Variants in GALNT17 observed in about 807,000 individuals in gnomAD.
The protein encoded by GALNT17 is UDP-GalNAc:polypeptide N-acetylgalactosaminyltransferase-like 3.
Under a neutral mutation model 63.7 loss-of-function variants are expected in GALNT17, and 29 were observed. The ratio of observed to expected loss-of-function variants is 0.46; its 90% confidence interval spans 0.34 to 0.62. The LOEUF (loss-of-function observed/expected upper bound fraction) is 0.62. GALNT17 is among the 20% of genes least tolerant of loss of function. GALNT17 has a pLI of 0.01. For missense variants in GALNT17, 603 were observed against 799.6 expected (o/e 0.75, Z 2.97); for synonymous variants, 305 against 318.3 (o/e 0.96, Z 0.45).
intron 5 of GALNT17, among the ~76,000 whole-genome samples, chr7:71,430,514 C>A (rs1193277344): frequency 6.6e-6 from 1 of 152,208 alleles, no homozygotes; most frequent in Non-Finnish European, 1.5e-5. Flanking sequence ...AAAGCTGAGT[C>A]AGGCATCTTC....
intron 5 of GALNT17, among the ~76,000 whole-genome samples, chr7:71,559,785 G>A (rs1459971317): frequency 2.6e-5 from 4 of 152,004 alleles, no homozygotes; most frequent in South Asian, 2.1e-4. Flanking sequence ...TGCTTGAGCC[G>A]GGAGATCGAG....
chr7:71,507,243 T>C (rs551632356), intron 5 of GALNT17, among the ~76,000 whole-genome samples: 60 of 152,036 alleles, frequency 3.9e-4, no homozygotes, highest in Non-Finnish European at 7.1e-4. Context: ...TCTAAATAAA[T>C]AAATAAGTAA....
chr7:71,176,740 C>T (rs1241470783), intron 1 of GALNT17, among the ~76,000 whole-genome samples: 1 of 152,068 alleles, frequency 6.6e-6, no homozygotes. Context: ...GTGGAGGTGG[C>T]AGGTGTTTGA....
intron 1 of GALNT17, among the ~76,000 whole-genome samples, chr7:71,210,804 T>C (rs551644783): frequency 1.3e-5 from 2 of 152,294 alleles, no homozygotes; most frequent in South Asian, 4.1e-4. Context: ...CTTAGGAGCA[T>C]TGTTACCAAG....
At chr7:71,680,859 T>C (rs1055591812) in intron 9 of GALNT17, among the ~76,000 whole-genome samples, 2 of 123,956 alleles carry the variant, frequency 1.6e-5, no homozygotes, top group African/African-American at 5.4e-5. Flanking sequence ...TCCTTTTTTC[T>C]TTCCTTCCTT....
chr7:71,274,223 G>A (rs535453471), intron 1 of GALNT17, among the ~76,000 whole-genome samples: 1 of 152,292 alleles, frequency 6.6e-6, no homozygotes, highest in African/African-American at 2.4e-5. Flanking sequence ...TAGGCTCTGG[G>A]GGAGCTGGCT....
intron 9 of GALNT17, among the ~76,000 whole-genome samples, chr7:71,705,391 G>A (rs1290480966): frequency 1.3e-5 from 2 of 152,162 alleles, no homozygotes; most frequent in Non-Finnish European, 2.9e-5. Context: ...TGGAGAAATT[G>A]AAACCCCGGT....
At chr7:71,353,124 T>G (rs921708077) in intron 2 of GALNT17, among the ~76,000 whole-genome samples, 2 of 152,184 alleles carry the variant, frequency 1.3e-5, no homozygotes, top group Non-Finnish European at 2.9e-5. Flanking sequence ...TTATTATTAT[T>G]GTTCCTTATA....
intron 1 of GALNT17, among the ~76,000 whole-genome samples, chr7:71,255,597 A>C (rs770516639): frequency 5.3e-5 from 8 of 152,360 alleles, no homozygotes; most frequent in Non-Finnish European, 1.2e-4. Flanking sequence ...AATTTCCTGC[A>C]TAAGATTCAT....
At chr7:71,677,113 A>G (rs916215064) in intron 8 of GALNT17, 98 bp from the exon 9 acceptor site, 18 of 1,212,626 alleles carry the variant, frequency 1.5e-5, no homozygotes, top group Admixed American at 5.1e-5. Flanking sequence ...TTGTCTTCCC[A>G]TCATGAAGTT....
intron 5 of GALNT17, among the ~76,000 whole-genome samples, chr7:71,519,856 C>T (rs193253780): frequency 6.3e-4 from 96 of 152,038 alleles, no homozygotes; most frequent in East Asian, 2.9e-3. Flanking sequence ...TTAATAATTA[C>T]GATCGTTAAT....
intron 5 of GALNT17, among the ~76,000 whole-genome samples, chr7:71,495,366 G>A (rs961751497): frequency 1.3e-5 from 2 of 152,126 alleles, no homozygotes; most frequent in Non-Finnish European, 2.9e-5. Flanking sequence ...TCCATATTCT[G>A]TGATAATAGC....
intron 5 of GALNT17, among the ~76,000 whole-genome samples, chr7:71,448,503 AT>A (rs1442150430): frequency 6.6e-6 from 1 of 150,974 alleles, no homozygotes; most frequent in Non-Finnish European, 1.5e-5. Context: ...TTTCTGGGGT[AT>A]TTTCTTAACT....
chr7:71,687,467 C>A (rs1228713917), intron 9 of GALNT17, among the ~76,000 whole-genome samples: 2 of 152,186 alleles, frequency 1.3e-5, no homozygotes, highest in Non-Finnish European at 2.9e-5. Flanking sequence ...CTTCCAGATG[C>A]TATCATGTAA....
intron 4 of GALNT17, among the ~76,000 whole-genome samples, chr7:71,419,331 TG>T (rs1786616313): frequency 6.6e-6 from 1 of 152,200 alleles, no homozygotes; most frequent in Admixed American, 6.5e-5. Flanking sequence ...TTAACCTCCC[TG>T]GTCCTCAGTA....
chr7:71,299,440 A>C (rs1436459011), intron 1 of GALNT17, among the ~76,000 whole-genome samples: 1 of 152,194 alleles, frequency 6.6e-6, no homozygotes, highest in African/African-American at 2.4e-5. Flanking sequence ...TCCATTGTAC[A>C]GATAAGGAAA....
At chr7:71,539,255 G>T (rs1788848669) in intron 5 of GALNT17, among the ~76,000 whole-genome samples, 1 of 152,090 alleles carries the variant, frequency 6.6e-6, no homozygotes, top group Admixed American at 6.5e-5. Flanking sequence ...ATTGGTTTTT[G>T]ATCCTTCATG....
intron 6 of GALNT17, among the ~76,000 whole-genome samples, chr7:71,644,543 A>AC (rs1562720781): frequency 1.1e-4 from 14 of 132,856 alleles, no homozygotes; most frequent in Non-Finnish European, 1.9e-4. Flanking sequence ...AAAAAAAAAA[A>AC]AAAAAACAAA....
intron 5 of GALNT17, among the ~76,000 whole-genome samples, chr7:71,433,499 C>G (rs977072268): frequency 6.6e-6 from 1 of 152,208 alleles, no homozygotes; most frequent in Non-Finnish European, 1.5e-5. Flanking sequence ...ACACAGCAAG[C>G]AGGTGAATTA....
Sources: gnomAD v4.1 joint callset for allele counts (sites outside exome capture counted in the v4.1 genomes callset) on GRCh38, gnomAD v4.1.1 for gene constraint, MANE v1.5 for transcripts, NCBI Gene and HGNC (gene_info 2026-07-23, HGNC 2026-07-21) for gene names.